Variants in RASL12 observed in about 807,000 individuals in gnomAD.
RASL12 encodes ras-like protein family member 12.
A neutral mutation model predicts 22.9 loss-of-function variants in RASL12; 16 were observed. The observed-to-expected ratio is 0.70, with a 90% CI of 0.47 to 1.06. RASL12 has a LOEUF of 1.06. Among genes scored for constraint, RASL12 ranks in the 50% least tolerant of loss-of-function variants. The pLI is 0.00. For missense variants in RASL12, 306 were observed against 353.1 expected (o/e 0.87, Z 1.07); for synonymous variants, 159 against 152.2 (o/e 1.04, Z -0.33).
intron 2 of RASL12, among the ~76,000 whole-genome samples, chr15:65,061,142 A>G (rs2086798524): frequency 6.6e-6 from 1 of 152,192 alleles, no homozygotes; most frequent in Admixed American, 6.5e-5. Context: ...TCCTGCCCAC[A>G]GCATGACAGC....
At chr15:65,075,839 G>A (rs186483481) in intron 1 of RASL12, among the ~76,000 whole-genome samples, 180 of 151,908 alleles carry the variant, frequency 1.2e-3, no homozygotes, top group African/African-American at 4.3e-3. Flanking sequence ...AAACCTTTAT[G>A]TCTAGCTCAG....
At chr15:65,060,588 T>C (rs1009899054) in intron 2 of RASL12, among the ~76,000 whole-genome samples, 17 of 152,230 alleles carry the variant, frequency 1.1e-4, no homozygotes, top group Admixed American at 1.3e-4. Flanking sequence ...ATGTTGGCAG[T>C]CATTCTCTGC....
At chr15:65,076,438 T>A in intron 1 of RASL12, 1 of 573,810 alleles carries the variant, frequency 1.7e-6, no homozygotes, top group Non-Finnish European at 3.1e-6. Context: ...AGCGAGACCA[T>A]GAACCCACCA....
chr15:65,059,466 A>G, intron 2 of RASL12, 48 bp from the exon 3 acceptor site: 1 of 1,464,066 alleles, frequency 6.8e-7, no homozygotes, highest in Non-Finnish European at 9.6e-7. Flanking sequence ...CTTGGGTGTA[A>G]GTTTGAGCTT....
At chr15:65,057,800 G>A (rs957570007) in intron 4 of RASL12, among the ~76,000 whole-genome samples, 5 of 152,272 alleles carry the variant, frequency 3.3e-5, no homozygotes, top group East Asian at 3.9e-4. Context: ...GAGTGAGATC[G>A]GAAGGTCAGA....
downstream of RASL12, among the ~76,000 whole-genome samples, chr15:65,050,271 C>A (rs1290374455): frequency 6.6e-6 from 1 of 152,192 alleles, no homozygotes; most frequent in Admixed American, 6.5e-5. Flanking sequence ...GGCTGGACCG[C>A]CCCTTCCTTT....
chr15:65,071,086 TG>T (rs2086928729), upstream of RASL12, among the ~76,000 whole-genome samples: 1 of 151,950 alleles, frequency 6.6e-6, no homozygotes, highest in South Asian at 2.1e-4. Flanking sequence ...CTTCAGAGAG[TG>T]GGGGTGTCTC....
At chr15:65,070,813 A>G (rs897590746), upstream of RASL12, among the ~76,000 whole-genome samples, 1 of 152,170 alleles carries the variant, frequency 6.6e-6, no homozygotes, top group African/African-American at 2.4e-5. Context: ...TGGTTGTCGA[A>G]TGATAAATTC....
chr15:65,076,039 G>A (rs545238338), intron 1 of RASL12, among the ~76,000 whole-genome samples: 29 of 152,286 alleles, frequency 1.9e-4, no homozygotes, highest in Non-Finnish European at 8.8e-5. Flanking sequence ...GGGACGTGGA[G>A]AACTTTTGTA....
upstream of RASL12, among the ~76,000 whole-genome samples, chr15:65,071,949 A>C (rs1008309236): frequency 2.0e-5 from 3 of 152,058 alleles, no homozygotes; most frequent in African/African-American, 7.2e-5. Context: ...ATTCATAACC[A>C]AGGAAAAGCC....
chr15:65,052,937 C>G (rs373294508), downstream of RASL12: 9 of 1,558,246 alleles, frequency 5.8e-6, no homozygotes, highest in African/African-American at 4.1e-5. Context: ...CTCAGCCCCC[C>G]TCATTAACAC....
chr15:65,068,264 C>G (rs932287911), upstream of RASL12: 14 of 985,240 alleles, frequency 1.4e-5, no homozygotes, highest in African/African-American at 2.4e-4. The surrounding 1 kb of genome is among the most constrained non-coding windows in gnomAD (Gnocchi z 4.2). Flanking sequence ...TGTTTGCACT[C>G]TTCCCTGAAC....
At chr15:65,073,961 T>C (rs1207887357) in intron 1 of RASL12, among the ~76,000 whole-genome samples, 2 of 147,978 alleles carry the variant, frequency 1.4e-5, no homozygotes. Context: ...GCAGCCCCAA[T>C]TCCTTTTCCC....
intron 4 of RASL12, among the ~76,000 whole-genome samples, chr15:65,057,156 C>T (rs936207260): frequency 1.3e-5 from 2 of 152,182 alleles, no homozygotes; most frequent in African/African-American, 4.8e-5. Context: ...TTTCACGGTC[C>T]CACACCTCTC....
intron 2 of RASL12, among the ~76,000 whole-genome samples, chr15:65,060,498 C>CT (rs2086788559): frequency 6.6e-6 from 1 of 152,142 alleles, no homozygotes; most frequent in South Asian, 2.1e-4. Flanking sequence ...CGAGTTGTTA[C>CT]TTTTTTTATA....
chr15:65,065,328 GC>G lies in RASL12; in HGVS notation c.104-56del, dbSNP rs1006335293. The stretch of plus-strand genomic sequence containing the variant: ...TCTCCGCGGCCATGTCTAGCTGCTG[GC>G]CCCTCGTTTAAGGGAGGCCTTATCT... On this transcript the variant is annotated intron_variant, in intron 1 of 4. Coordinates refer to ENST00000220062, the MANE Select transcript of RASL12 (RefSeq NM_016563.4). 22 of 1,552,240 alleles carry G rather than the reference GC, an allele frequency of 1.4e-5. No homozygotes were observed. In the African/African-American group the frequency reaches 2.7e-4, roughly 19 times the overall value.
At chr15:65,068,055 A>G, upstream of RASL12, 1 of 1,096,138 alleles carries the variant, frequency 9.1e-7, no homozygotes, top group Non-Finnish European at 1.1e-6. This position sits in a 1 kb window ranked among gnomAD's most constrained non-coding sequence, Gnocchi z 4.2. Flanking sequence ...AGCGCCACCA[A>G]ATTCCTTGTA....
chr15:65,066,041 T>TAGAGAAGAGAAGAGA (rs201555916), intron 1 of RASL12, among the ~76,000 whole-genome samples: 2 of 132,624 alleles, frequency 1.5e-5, no homozygotes, highest in Non-Finnish European at 3.2e-5. Context: ...AAGAGAAGAG[T>TAGAGAAGAGAAGAGA]AGAGAAGAGA....
At chr15:65,058,353 C>T (rs981538123) in intron 4 of RASL12, 74 bp downstream of exon 4, 3 of 1,269,394 alleles carry the variant, frequency 2.4e-6, no homozygotes, top group Non-Finnish European at 3.1e-6. Flanking sequence ...CCCACTAATC[C>T]CTCAAGATGC....
Sources: allele counts gnomAD v4.1 joint callset (sites outside exome capture counted in the v4.1 genomes callset), GRCh38; gene constraint gnomAD v4.1.1; non-coding constraint Gnocchi (gnomAD v3.1); transcripts MANE v1.5; gene names NCBI Gene and HGNC (gene_info 2026-07-23, HGNC 2026-07-21).